Variants in CCDC190 observed in about 807,000 individuals in gnomAD.
CCDC190 encodes coiled-coil domain-containing protein 190.
In CCDC190, 10 loss-of-function variants were observed where a neutral mutation model predicts 13.1. That is an observed-to-expected ratio of 0.77 (90% CI 0.47 to 1.30). CCDC190 has a LOEUF of 1.30. CCDC190 is among the 50% of genes most tolerant of loss of function. CCDC190 has a pLI of 0.00. For synonymous variants in CCDC190, 136 were observed against 127.2 expected (o/e 1.07, Z -0.47); for missense variants, 375 against 354.3 (o/e 1.06, Z -0.47).
In CCDC190 at chr1:162,859,627, C is replaced by T. The variant is rs763467828; in HGVS notation, c.20G>A (p.Arg7Lys). The T allele has an allele frequency of 2.1e-4, 343 of 1,613,478 alleles. No homozygotes were observed. The highest frequency in any genetic ancestry group is 2.7e-4 in the Non-Finnish European group (316 of 1,179,748). Residue 7 changes from arginine to lysine, a missense_variant, in exon 2 of 4, where the codon AGG becomes AAG. Coordinates refer to ENST00000367912, the MANE Select transcript of CCDC190 (RefSeq NM_001394065.1). ...ATCAAAATGCTTATACAATTGTCCCCTGACCATGTGCCTCTCCATCTTCTT... is the reference window on the plus strand; with the variant it reads ...ATCAAAATGCTTATACAATTGTCCCTTGACCATGTGCCTCTCCATCTTCTT... MERHMV[R>K]GQLYKHFDLE... is the part of the protein sequence containing the mutation.
chr1:162,855,028 G>C lies in CCDC190; in HGVS notation c.643C>G (p.Leu215Val). The C allele has an allele frequency of 1.2e-6, 2 of 1,613,982 alleles. No individual in the cohort carries two copies. The highest frequency in any genetic ancestry group is 2.2e-5 in the South Asian group (2 of 91,086). ...TTTCCAGTGTTCCCATCTGGCTTTA[G>C]AGCAACATCTTTTGATCTGGTCTCA... ...ADETRSKDVA[L>V]KPDGNTGKQI... is the part of the protein sequence containing the mutation. Residue 215 changes from leucine to valine, a missense_variant, in exon 4 of 4, where the codon CTA becomes GTA. Coordinates refer to ENST00000367912, the MANE Select transcript of CCDC190 (RefSeq NM_001394065.1).
intron 3 of CCDC190, 90 bp downstream of exon 3, chr1:162,855,542 G>T: frequency 6.4e-7 from 1 of 1,552,900 alleles, no homozygotes; most frequent in Non-Finnish European, 8.7e-7. Context: ...GAAGTGGAAC[G>T]GAGCATTTCT....
chr1:162,855,895 G>T, intron 2 of CCDC190, 140 bp from the exon 3 acceptor site: 1 of 689,890 alleles, frequency 1.4e-6, no homozygotes, highest in Non-Finnish European at 2.4e-6. Context: ...ATTAAAATGA[G>T]GTCATTAGGG....
chr1:162,851,058 TA>T lies in CCDC190; in HGVS notation c.*3706del, dbSNP rs1321262139. Among the ~76,000 whole-genome samples the T allele has an allele frequency of 6.6e-6, 1 of 152,216 alleles. No homozygotes were observed. Among genetic ancestry groups the T allele is most frequent in the Non-Finnish European group, 1.5e-5 (1 of 68,036 alleles). ...GTTTTATTTCCGGTAGATATTCATTTAACTGCATTTAGGTTATTATTGTTTA... is the reference window on the plus strand; with the variant it reads ...GTTTTATTTCCGGTAGATATTCATTTACTGCATTTAGGTTATTATTGTTTA... On this transcript the variant is annotated 3_prime_UTR_variant, in exon 4 of 4. Coordinates refer to ENST00000367912, the MANE Select transcript of CCDC190 (RefSeq NM_001394065.1).
Position 162,859,450 on chromosome 1 carries a change from A to G in CCDC190, c.187+10T>C, listed in dbSNP as rs370620006. On this transcript the variant is annotated intron_variant, in intron 2 of 3. Coordinates refer to ENST00000367912, the MANE Select transcript of CCDC190 (RefSeq NM_001394065.1). Reference sequence around the variant, plus strand: ...TGGGGCATCCTCCTCACCAGTCCTGAAAGTCTTACCTTGCTGCAACCTCTG... The same window carrying G: ...TGGGGCATCCTCCTCACCAGTCCTGGAAGTCTTACCTTGCTGCAACCTCTG... 1.4e-5 allele frequency: 23 copies of G among 1,610,988 alleles called. No homozygotes were observed. Among genetic ancestry groups the G allele is most frequent in the Non-Finnish European group, 1.8e-5 (21 of 1,178,532 alleles).
rs542951405 is a variant in CCDC190 at position 162,855,783 on chromosome 1, TGAGTTG to T, written c.188-34_188-29del. 4,242 of 1,557,904 alleles carry T rather than the reference TGAGTTG, an allele frequency of 2.7e-3. 24 individuals carry two copies. The highest frequency in any genetic ancestry group is 0.011 in the South Asian group (957 of 84,592). On this transcript the variant is annotated intron_variant, in intron 2 of 3. Transcript: ENST00000367912. ...GCTTTGAGTTAATTAAGAAGTGTTATGAGTTGGATTGTGTCCTTAAATTTTTTATGC... is the reference window on the plus strand; with the variant it reads ...GCTTTGAGTTAATTAAGAAGTGTTATGATTGTGTCCTTAAATTTTTTATGC...
At chr1:162,857,517 C>T (rs968588402) in intron 2 of CCDC190, among the ~76,000 whole-genome samples, 1 of 152,152 alleles carries the variant, frequency 6.6e-6, no homozygotes, top group African/African-American at 2.4e-5. Context: ...GCCTGCAGTA[C>T]TGAGCTATTT....
chr1:162,866,106 A>G (rs547479154), upstream of CCDC190, among the ~76,000 whole-genome samples: 1 of 152,318 alleles, frequency 6.6e-6, no homozygotes, highest in South Asian at 2.1e-4. Flanking sequence ...GAATCACAAA[A>G]CATTTAGAAA....
chr1:162,856,358 A>G (rs1424006691), intron 2 of CCDC190, among the ~76,000 whole-genome samples: 2 of 152,212 alleles, frequency 1.3e-5, no homozygotes, highest in Non-Finnish European at 2.9e-5. Context: ...TAGAAACACT[A>G]AGATCAGAGG....
At chr1:162,863,826 C>T (rs1248473197), upstream of CCDC190, among the ~76,000 whole-genome samples, 1 of 152,070 alleles carries the variant, frequency 6.6e-6, no homozygotes, top group African/African-American at 2.4e-5. Flanking sequence ...CGAGACCAGC[C>T]TGGCCAACAT....
At chr1:162,867,764 A>G (rs1402340675) in intron 1 of CCDC190, among the ~76,000 whole-genome samples, 1 of 152,222 alleles carries the variant, frequency 6.6e-6, no homozygotes, top group Non-Finnish European at 1.5e-5. Context: ...AAAAATAACG[A>G]TACATTAATA....
In CCDC190 at chr1:162,853,100, C is replaced by A. The variant is rs1439565637; in HGVS notation, c.*1665G>T. ...TCATGGAAGAAAGTGTTGGAGGAAG[C>A]AGATTTCTTGTGTTCCTTTCACTAT... On this transcript the variant is annotated 3_prime_UTR_variant, in exon 4 of 4. Transcript: ENST00000367912. The A allele has an allele frequency of 1.3e-6, 2 of 1,549,072 alleles. No individual in the cohort carries two copies. Among genetic ancestry groups the A allele is most frequent in the African/African-American group, 1.4e-5 (1 of 73,106 alleles).
rs1409433061 is a variant in CCDC190 at position 162,867,169 on chromosome 1, A to AT, written c.-13+1483_-13+1484insA. Among the ~76,000 whole-genome samples, 30 of 152,240 alleles carry AT rather than the reference A, an allele frequency of 2.0e-4. No individual in the cohort carries two copies. In the South Asian group the frequency reaches 2.7e-3, roughly 14 times the overall value. On this transcript the variant is annotated intron_variant, in intron 1 of 3. Transcript: ENST00000367910. ...GAGGGAAAACAAAAGGCAAGCAAGA[A>AT]CCTGTTGGAATATATTGACAACGCA... is the stretch of plus-strand genomic sequence containing the variant.
In CCDC190 at chr1:162,859,540, T is replaced by G. The variant is rs759706242; in HGVS notation, c.107A>C (p.Lys36Thr). ...TTTCACATGGTAGAGGCAAATAACC[T>G]TTAGTCTCTGCAGTCTTTGGTCCAG... ...ARLDQRLQRL[K>T]VICLYHVKLL... The change falls in exon 2 of 4, where the codon AAG becomes ACG. Residue 36 changes from lysine to threonine, a missense_variant. Coordinates refer to ENST00000367912, the MANE Select transcript of CCDC190 (RefSeq NM_001394065.1). The G allele has an allele frequency of 1.2e-6, 2 of 1,613,860 alleles. No homozygotes were observed. The highest frequency in any genetic ancestry group is 3.3e-5 in the Admixed American group (2 of 59,996).
chr1:162,861,176 A>G (rs376673282), upstream of CCDC190: 1 of 220,236 alleles, frequency 4.5e-6, no homozygotes, highest in South Asian at 1.6e-4. Context: ...TGTTAAATAC[A>G]CTTGAAAGCT....
rs12118166 is a variant in CCDC190, at chr1:162,866,396, C to T, written c.-13+2257G>A. Among the ~76,000 whole-genome samples the T allele has an allele frequency of 2.0e-5, 3 of 152,148 alleles. 1 individual carries two copies. Among genetic ancestry groups the T allele is most frequent in the East Asian group, 3.9e-4 (2 of 5,186 alleles). On this transcript the variant is annotated intron_variant, in intron 1 of 3. Coordinates refer to the CCDC190 transcript ENST00000367910. Reference sequence around the variant, plus strand: ...AGTGAGCCAAGACGGTGCCACTGCGCTCCAGCCTAGGCGACAAGAGTAAGA... The same window carrying T: ...AGTGAGCCAAGACGGTGCCACTGCGTTCCAGCCTAGGCGACAAGAGTAAGA...
upstream of CCDC190, among the ~76,000 whole-genome samples, chr1:162,862,544 A>C (rs1650557532): frequency 6.6e-6 from 1 of 152,232 alleles, no homozygotes; most frequent in African/African-American, 2.4e-5. Flanking sequence ...GGCCAGAAGG[A>C]GGCAGAGACA....
At position 162,853,789 on chromosome 1, in the gene CCDC190, G is replaced by A. The variant is rs141077675; in HGVS notation, c.*976C>T. On this transcript the variant is annotated 3_prime_UTR_variant, in exon 4 of 4. Transcript: ENST00000367912. ...GAGGCATGATTTCTTTGAGACCCAC[G>A]GGGCAAGATGGTTTTCCTGATAGAG... Among the ~76,000 whole-genome samples the A allele has an allele frequency of 4.6e-5, 7 of 152,278 alleles. No homozygotes were observed. Among genetic ancestry groups the A allele is most frequent in the African/African-American group, 1.7e-4 (7 of 41,564 alleles).
chr1:162,855,164 G>C lies in CCDC190; in HGVS notation c.507C>G (p.Asp169Glu). Residue 169 changes from aspartate to glutamate, a missense_variant, in exon 4 of 4, where the codon GAC (aspartate) becomes GAG (glutamate). Coordinates refer to ENST00000367912, the MANE Select transcript of CCDC190 (RefSeq NM_001394065.1). ...ATGGAACAGAGATGCCCTTGCTGGGGTCTACGTCCTTAGATGGATTCACAG... is the reference window on the plus strand; with the variant it reads ...ATGGAACAGAGATGCCCTTGCTGGGCTCTACGTCCTTAGATGGATTCACAG... ...KDSVNPSKDV[D>E]PSKGISVPCQ... is the part of the protein sequence containing the mutation. The C allele has an allele frequency of 6.2e-7, 1 of 1,614,024 alleles. No homozygotes were observed. The highest frequency in any genetic ancestry group is 1.1e-5 in the South Asian group (1 of 91,088).
Sources: gnomAD v4.1 joint callset for allele counts (sites outside exome capture counted in the v4.1 genomes callset) on GRCh38, gnomAD v4.1.1 for gene constraint, MANE v1.5 for transcripts, NCBI Gene and HGNC (gene_info 2026-07-23, HGNC 2026-07-21) for gene names.